Variants in MASTL observed in about 807,000 individuals in gnomAD.
MASTL encodes microtubule associated serine/threonine kinase like, also known as serine/threonine-protein kinase greatwall.
Under a neutral mutation model 82.5 loss-of-function variants are expected in MASTL, and 54 were observed. That is an observed-to-expected ratio of 0.65 (90% confidence interval 0.53 to 0.82). The LOEUF (loss-of-function observed/expected upper bound fraction) is 0.82. Ranked by LOEUF, MASTL falls within the 40% of genes least tolerant of loss-of-function variation. The pLI is 0.00. For synonymous variants in MASTL, 323 were observed against 368.9 expected (o/e 0.88, Z 1.43); for missense variants, 950 against 1,047.8 (o/e 0.91, Z 1.29).
At chr10:27,163,920 G>A (rs1035977360) in intron 4 of MASTL, among the ~76,000 whole-genome samples, 7 of 144,956 alleles carry the variant, frequency 4.8e-5, no homozygotes, top group African/African-American at 1.8e-4. Flanking sequence ...GTGAACCACC[G>A]CGCCCAGCCT....
intron 4 of MASTL, among the ~76,000 whole-genome samples, chr10:27,162,727 TTAA>T (rs2057612864): frequency 6.6e-6 from 1 of 152,104 alleles, no homozygotes; most frequent in African/African-American, 2.4e-5. Context: ...TGGGAAAGTA[TTAA>T]TAATGAAAAT....
chr10:27,186,510 C>T lies in MASTL; in HGVS notation c.2614C>T (p.Leu872=), dbSNP rs1377243982. ...TGAAGCCAGGAATACTGCTCAGCAC[C>T]TGACTGTATCTGGATTTAGTCTGTA... ...YFEARNTAQH[L]TVSGFSL is the part of the protein sequence containing the mutation. The change falls in exon 12 of 12, where the codon CTG becomes TTG. Residue 872 remains leucine, a synonymous_variant. Transcript: ENST00000375940. 1.9e-6 allele frequency: 3 copies of T among 1,614,058 alleles called. No homozygotes were observed. The highest frequency in any genetic ancestry group is 2.5e-6 in the Non-Finnish European group (3 of 1,179,990).
chr10:27,155,666 T>C, intron 1 of MASTL, 54 bp downstream of exon 1: 3 of 1,601,670 alleles, frequency 1.9e-6, no homozygotes, highest in Non-Finnish European at 2.6e-6. Context: ...CCCTCCTTCC[T>C]GCCCCACCGG....
rs2058296806 is a variant in MASTL at position 27,181,404 on chromosome 10, A to C, written c.2381-76A>C. Reference sequence around the variant, plus strand: ...GAAACTCCATCTCAAAAAACAAAAAAAAGTAGTCATTTATCTCTGGATACT... The same window carrying C: ...GAAACTCCATCTCAAAAAACAAAAACAAGTAGTCATTTATCTCTGGATACT... On this transcript the variant is annotated intron_variant, in intron 10 of 11. Coordinates refer to ENST00000375940, the MANE Select transcript of MASTL (RefSeq NM_001172303.3). 5 of 1,150,336 alleles carry C rather than the reference A, an allele frequency of 4.3e-6. No homozygotes were observed. In the South Asian group the frequency reaches 6.2e-5, roughly 14 times the overall value. The allele number at this position is 1,150,336 out of a possible 1,614,324, so 71.3% of individuals were successfully genotyped here.
At chr10:27,167,391 T>G in intron 7 of MASTL, 117 bp downstream of exon 7, 1 of 832,316 alleles carries the variant, frequency 1.2e-6, no homozygotes, top group Non-Finnish European at 1.9e-6. Context: ...TGAATGGCAG[T>G]CATAGTATTA....
Position 27,170,532 on chromosome 10 carries a change from A to G in MASTL, c.1573A>G (p.Ile525Val), listed in dbSNP as rs753773124. ...ACAACAAACACCAGAAAAATTACCTATACCAATGATAGCAAAAAACCTTAT... is the reference window on the plus strand; with the variant it reads ...ACAACAAACACCAGAAAAATTACCTGTACCAATGATAGCAAAAAACCTTAT... ...DKQQTPEKLP[I>V]PMIAKNLMCE... The change falls in exon 8 of 12, where the codon ATA becomes GTA. Residue 525 changes from isoleucine (I) to valine (V), a missense_variant. Coordinates refer to ENST00000375940, the MANE Select transcript of MASTL (RefSeq NM_001172303.3). The G allele has an allele frequency of 9.9e-6, 16 of 1,614,018 alleles. 1 individual carries two copies. In the South Asian group the frequency reaches 1.1e-4, roughly 11 times the overall value.
Position 27,155,463 on chromosome 10 carries a change from G to A in MASTL, c.37G>A (p.Gly13Arg), listed in dbSNP as rs2057326785. 1 of 1,613,468 alleles carries A rather than the reference G, an allele frequency of 6.2e-7. No homozygotes were observed. The highest frequency in any genetic ancestry group is 8.5e-7 in the Non-Finnish European group (1 of 1,179,804). ...CGCGGGAAGCAAGAAGGAGCCTGGA[G>A]GAGGCGCGGCGACTGAGGAGGGCGT... is the stretch of plus-strand genomic sequence containing the variant. The part of the protein sequence containing the change: ...PTAGSKKEPG[G>R]GAATEEGVNR... The change falls in exon 1 of 12, where the codon GGA becomes AGA. Residue 13 changes from glycine to arginine, a missense_variant. Transcript: ENST00000375940.
rs140057147 is a variant in MASTL, at chr10:27,184,406, AAC to A, written c.2483-1964_2483-1963del. 4.7e-3 allele frequency among the ~76,000 whole-genome samples: 716 copies of A among 152,074 alleles called. 9 individuals are homozygous for A. Among genetic ancestry groups the A allele is most frequent in the Middle Eastern group, 0.017 (5 of 294 alleles). On this transcript the variant is annotated intron_variant, in intron 11 of 11. Transcript: ENST00000375940. The stretch of plus-strand genomic sequence containing the variant: ...TAGATTATACTACTTAAAACATATA[AAC>A]ACACACACGTTTCAACTTCTGATGC...
At chr10:27,177,894 TA>T in intron 9 of MASTL, 2 of 448,094 alleles carry the variant, frequency 4.5e-6, no homozygotes, top group Non-Finnish European at 5.9e-6. Flanking sequence ...TCACATTGCA[TA>T]AAAAACTATT....
Position 27,186,544 on chromosome 10 carries a change from A to C in MASTL, c.*8A>C. 2 of 1,613,544 alleles carry C rather than the reference A, an allele frequency of 1.2e-6. No individual in the cohort carries two copies. Among genetic ancestry groups the C allele is most frequent in the Non-Finnish European group, 1.7e-6 (2 of 1,179,600 alleles). The stretch of plus-strand genomic sequence containing the variant: ...TCTGGATTTAGTCTGTAGCACAAAA[A>C]TTTTCCTTTTAGTCTAGCCTTGTGT... On this transcript the variant is annotated 3_prime_UTR_variant, in exon 12 of 12. Transcript: ENST00000375940.
In MASTL at chr10:27,187,281, C is replaced by G. The variant is rs2058822811; in HGVS notation, c.*745C>G. On this transcript the variant is annotated 3_prime_UTR_variant, in exon 12 of 12. Coordinates refer to ENST00000375940, the MANE Select transcript of MASTL (RefSeq NM_001172303.3). ...TGCCACTGCACTCCAGCCTGGGCAA[C>G]AGAACAAGACTCCGTCTCAAAAAAA... 6.6e-6 allele frequency among the ~76,000 whole-genome samples: 1 copy of G among 152,022 alleles called. No individual in the cohort carries two copies. The highest frequency in any genetic ancestry group is 2.4e-5 in the African/African-American group (1 of 41,396).
chr10:27,162,168 T>C (rs1373131360), intron 4 of MASTL, among the ~76,000 whole-genome samples: 1 of 152,212 alleles, frequency 6.6e-6, no homozygotes, highest in East Asian at 1.9e-4. Context: ...TGCCAATATG[T>C]TTTTAAATAT....
Position 27,181,666 on chromosome 10 carries a change from C to A in MASTL, c.2482+85C>A, listed in dbSNP as rs1034145253. The stretch of plus-strand genomic sequence containing the variant: ...ATAAAAATAGCAAGTTCTGGCTGGG[C>A]GTGGTGGCTCACGCCTGTAATCCCA... On this transcript the variant is annotated intron_variant, in intron 11 of 11. Transcript: ENST00000375940. 9.7e-6 allele frequency: 10 copies of A among 1,028,912 alleles called. No homozygotes were observed. The South Asian group carries it at 1.0e-4, about 10-fold the overall frequency. The allele number at this position is 1,028,912 out of a possible 1,614,324, so 63.7% of individuals were successfully genotyped here.
At position 27,159,636 on chromosome 10, in the gene MASTL, TG is replaced by T. The variant is rs762451767; in HGVS notation, c.347del (p.Gly116GlufsTer19). The T allele has an allele frequency of 2.6e-6, 4 of 1,527,846 alleles. No homozygotes were observed. The African/African-American group carries it at 4.1e-5, about 16-fold the overall frequency. The allele number at this position is 1,527,846 out of a possible 1,614,324, so 94.6% of individuals were successfully genotyped here. ...NVYLVMEYLI[G>X]GDVKSLLHIY... Reference sequence around the variant, plus strand: ...TTTGAAAGGTAATGGAATATCTTATTGGGGGAGATGTCAAGTCTCTCCTACA... The same window carrying T: ...TTTGAAAGGTAATGGAATATCTTATTGGGGAGATGTCAAGTCTCTCCTACA... On this transcript the variant is annotated frameshift_variant, in exon 3 of 12. Transcript: ENST00000375940. LOFTEE classifies it high-confidence loss of function. The surrounding 1 kb of genome is among the most constrained non-coding windows in gnomAD (Gnocchi z 4.0).
intron 11 of MASTL, among the ~76,000 whole-genome samples, chr10:27,185,062 T>C (rs1386666373): frequency 6.6e-6 from 1 of 152,186 alleles, no homozygotes; most frequent in Non-Finnish European, 1.5e-5. Context: ...CAAAGAACCA[T>C]GAAGAGAACG....
At chr10:27,167,729 C>T (rs1021904954) in intron 7 of MASTL, among the ~76,000 whole-genome samples, 2 of 152,146 alleles carry the variant, frequency 1.3e-5, no homozygotes, top group Non-Finnish European at 2.9e-5. Flanking sequence ...ACTTTTAGAC[C>T]GGAAAGGTAA....
Position 27,165,517 on chromosome 10 carries a change from T to C in MASTL, c.789T>C (p.Tyr263=), listed in dbSNP as rs370803746. 8 of 1,614,036 alleles carry C rather than the reference T, an allele frequency of 5.0e-6. No homozygotes were observed. The African/African-American group carries it at 9.3e-5, about 19-fold the overall frequency. ...TAGATCAAAAGGACACTACGCCTTA[T>C]TCTAGCAAATTACTAAAATCATGTG... The part of the protein sequence containing the change: ...MSVDQKDTTP[Y]SSKLLKSCLE... The change falls in exon 6 of 12, where the codon TAT becomes TAC. Residue 263 remains tyrosine, a synonymous_variant. Coordinates refer to ENST00000375940, the MANE Select transcript of MASTL (RefSeq NM_001172303.3).
At chr10:27,175,756 CT>C (rs1287959926) in intron 9 of MASTL, among the ~76,000 whole-genome samples, 1 of 152,182 alleles carries the variant, frequency 6.6e-6, no homozygotes, top group Non-Finnish European at 1.5e-5. Context: ...GACAGCCAAT[CT>C]GGCTATTCAG....
intron 7 of MASTL, among the ~76,000 whole-genome samples, chr10:27,168,360 A>G (rs1305428119): frequency 3.3e-5 from 5 of 152,170 alleles, no homozygotes; most frequent in Admixed American, 6.6e-5. Flanking sequence ...CAGCTTTACT[A>G]TCCTCCCACT....
Sources: gnomAD v4.1 joint callset for allele counts (sites outside exome capture counted in the v4.1 genomes callset) on GRCh38, gnomAD v4.1.1 for gene constraint, Gnocchi (gnomAD v3.1) non-coding constraint, MANE v1.5 for transcripts, NCBI Gene and HGNC (gene_info 2026-07-23, HGNC 2026-07-21) for gene names.